Variants in SLC67A2 observed in about 807,000 individuals in gnomAD.
SLC67A2 encodes the protein solute carrier family 67 member A2.
chr2:102,719,788 A>G, the SLC67A2 span, among the ~76,000 whole-genome samples: 1 of 152,178 alleles, frequency 6.6e-6, no homozygotes, highest in South Asian at 2.1e-4. Context: ...AGGCTGCCAC[A>G]TATGTGACAG....
At chr2:102,718,331 C>T in the SLC67A2 span, 2 of 1,497,432 alleles carry the variant, frequency 1.3e-6, no homozygotes, top group Non-Finnish European at 1.8e-6. Flanking sequence ...CCTTCCACCC[C>T]AACCCTTTCC....
the SLC67A2 span, chr2:102,732,474 T>A: frequency 1.1e-3 from 1,425 of 1,284,370 alleles, 16 homozygotes; most frequent in African/African-American, 0.019. Context: ...CCTAAAAATT[T>A]AAACTAATTT....
chr2:102,723,653 G>C, the SLC67A2 span: 1 of 1,529,492 alleles, frequency 6.5e-7, no homozygotes, highest in Admixed American at 1.7e-5. Flanking sequence ...TAGGTAAATT[G>C]GTCAGTATGA....
chr2:102,719,659 T>C, the SLC67A2 span, among the ~76,000 whole-genome samples: 3 of 152,166 alleles, frequency 2.0e-5, no homozygotes, highest in African/African-American at 7.2e-5. Context: ...CATAGAAATA[T>C]ATTAACACAG....
chr2:102,736,446 G>A, the SLC67A2 span: 1 of 1,391,554 alleles, frequency 7.2e-7, no homozygotes, highest in South Asian at 1.5e-5. Context: ...GAAAGCGCGA[G>A]GGGCAATAAA....
chr2:102,727,569 T>TA, the SLC67A2 span, among the ~76,000 whole-genome samples: 2 of 152,230 alleles, frequency 1.3e-5, no homozygotes, highest in African/African-American at 2.4e-5. Context: ...ATAGTTTTGT[T>TA]AGATTTTTGC....
At chr2:102,725,593 T>C in the SLC67A2 span, among the ~76,000 whole-genome samples, 1 of 152,126 alleles carries the variant, frequency 6.6e-6, no homozygotes, top group Admixed American at 6.5e-5. Flanking sequence ...GCATATACAA[T>C]GGCTATCACT....
the SLC67A2 span, chr2:102,719,108 T>A: frequency 6.2e-7 from 1 of 1,614,222 alleles, no homozygotes. Context: ...CTGCACTGTG[T>A]CATGGCTCCT....
chr2:102,719,701 G>A, the SLC67A2 span, among the ~76,000 whole-genome samples: 1 of 152,162 alleles, frequency 6.6e-6, no homozygotes, highest in Non-Finnish European at 1.5e-5. Context: ...TACTCAAGAC[G>A]CTAAAACCTA....
the SLC67A2 span, chr2:102,736,486 G>A: frequency 6.6e-7 from 1 of 1,508,648 alleles, no homozygotes. Context: ...ACTGAAGTGG[G>A]TGATAGGGCA....
At chr2:102,726,176 G>A in the SLC67A2 span, among the ~76,000 whole-genome samples, 1 of 152,150 alleles carries the variant, frequency 6.6e-6, no homozygotes, top group Non-Finnish European at 1.5e-5. Context: ...CAGTGTCCCC[G>A]CTAACTGACA....
At chr2:102,720,329 C>T in the SLC67A2 span, among the ~76,000 whole-genome samples, 1 of 151,562 alleles carries the variant, frequency 6.6e-6, no homozygotes. Flanking sequence ...TTAAAAGGGC[C>T]CTTGAACATT....
the SLC67A2 span, among the ~76,000 whole-genome samples, chr2:102,724,628 A>T: frequency 6.6e-6 from 1 of 152,222 alleles, no homozygotes; most frequent in African/African-American, 2.4e-5. Context: ...TCTGGTAACC[A>T]GCGGCCCACT....
the SLC67A2 span, chr2:102,726,887 C>A: frequency 2.0e-3 from 3,188 of 1,612,082 alleles, 67 homozygotes; most frequent in African/African-American, 0.039. Context: ...ACATTGGTGG[C>A]TGCTCCGAGA....
At chr2:102,715,119 C>G in the SLC67A2 span, among the ~76,000 whole-genome samples, 1 of 152,306 alleles carries the variant, frequency 6.6e-6, no homozygotes, top group South Asian at 2.1e-4. Flanking sequence ...TCAGGGCCCC[C>G]CTAAAGTTAC....
chr2:102,735,822 G>A, the SLC67A2 span, among the ~76,000 whole-genome samples: 1 of 144,348 alleles, frequency 6.9e-6, no homozygotes, highest in Non-Finnish European at 1.5e-5. Flanking sequence ...AGCACTCAGG[G>A]AGCAAACCAG....
At chr2:102,721,379 T>G in the SLC67A2 span, among the ~76,000 whole-genome samples, 1 of 152,222 alleles carries the variant, frequency 6.6e-6, no homozygotes, top group African/African-American at 2.4e-5. Flanking sequence ...CAAATCATAA[T>G]GTATTTCTGT....
the SLC67A2 span, chr2:102,736,772 C>T: frequency 1.2e-6 from 2 of 1,613,612 alleles, no homozygotes; most frequent in African/African-American, 1.3e-5. Context: ...AGACCAGCCT[C>T]GGGGCCGAGT....
the SLC67A2 span, among the ~76,000 whole-genome samples, chr2:102,723,346 G>GT: frequency 5.9e-5 from 9 of 152,208 alleles, no homozygotes; most frequent in Admixed American, 5.9e-4. Context: ...GCATATGCCT[G>GT]TAATCCCAGC....
Sources: gnomAD v4.1 joint callset for allele counts (sites outside exome capture counted in the v4.1 genomes callset) on GRCh38, gnomAD v4.1.1 for gene constraint, MANE v1.5 for transcripts, NCBI Gene and HGNC (gene_info 2026-07-23, HGNC 2026-07-21) for gene names.